ESPL1: variants seen among roughly 807,000 people sequenced by gnomAD.
ESPL1 encodes separin.
ESPL1 carries 50 observed loss-of-function variants against 217.2 expected under a neutral mutation model. That is an observed-to-expected ratio of 0.23 (90% CI 0.18 to 0.29). The LOEUF (loss-of-function observed/expected upper bound fraction) is 0.29, where lower values mean the gene tolerates loss of function less well. ESPL1 is among the 10% of genes least tolerant of loss of function. ESPL1 has a pLI of 1.00. For synonymous variants in ESPL1, 994 were observed against 1,081.3 expected (o/e 0.92, Z 1.58); for missense variants, 1,834 against 2,603.0 (o/e 0.70, Z 6.43).
intron 11 of ESPL1, among the ~76,000 whole-genome samples, chr12:53,278,185 A>G (rs1181682837): frequency 1.3e-5 from 2 of 151,896 alleles, no homozygotes; most frequent in African/African-American, 4.8e-5. Context: ...TATCTCTAAA[A>G]TAGGGGCCAT....
chr12:53,292,279 A>T lies in ESPL1; in HGVS notation c.5798A>T (p.Tyr1933Phe). The T allele has an allele frequency of 6.2e-7, 1 of 1,610,440 alleles. No homozygotes were observed. Among genetic ancestry groups the T allele is most frequent in the Non-Finnish European group, 8.5e-7 (1 of 1,176,724 alleles). The change falls in exon 28 of 31, where the codon TAT (tyrosine) becomes TTT (phenylalanine). Residue 1933 changes from tyrosine (Y) to phenylalanine (F), a missense_variant and splice_region_variant. This residue lies in a region of ESPL1 where 295 missense variants were observed against 519.8 expected (regional missense o/e 0.57). Transcript: ENST00000257934. This position sits in a 1 kb window ranked among gnomAD's most constrained non-coding sequence, Gnocchi z 4.5. ...FLLSYSIIKE[Y>F]GASPVLSQGV... ...TAATCGCCAGTGTCTCCTCCTCAGTATGGGGCCTCGCCAGTGCTGAGTCAA... is the reference window on the plus strand; with the variant it reads ...TAATCGCCAGTGTCTCCTCCTCAGTTTGGGGCCTCGCCAGTGCTGAGTCAA...
Position 53,291,831 on chromosome 12 carries a change from A to G in ESPL1, c.5662A>G (p.Asn1888Asp), listed in dbSNP as rs371767769. 3.1e-5 allele frequency: 50 copies of G among 1,593,142 alleles called. No homozygotes were observed. The highest frequency in any genetic ancestry group is 3.4e-5 in the Non-Finnish European group (40 of 1,169,110). The change falls in exon 26 of 31, where the codon AAT (asparagine) becomes GAT (aspartate). Residue 1888 changes from asparagine to aspartate, a missense_variant. Coordinates refer to ENST00000257934, the MANE Select transcript of ESPL1 (RefSeq NM_012291.5). The part of the protein sequence containing the change: ...GRLQGLTVPS[N>D]SHLVLVLDKD... ...TCTACAGGGCCTGACAGTACCAAGC[A>G]ATAGCCACCTTGTCTTGGTCCTAGA...
intron 17 of ESPL1, 127 bp downstream of exon 17, chr12:53,284,294 C>T: frequency 1.5e-6 from 1 of 654,452 alleles, no homozygotes; most frequent in Non-Finnish European, 2.7e-6. Context: ...ATTACCCAGG[C>T]TGGAGTGCAG....
chr12:53,288,426 A>C (rs1226484922), intron 19 of ESPL1, 85 bp downstream of exon 19: 1 of 1,525,544 alleles, frequency 6.6e-7, no homozygotes, highest in Non-Finnish European at 8.8e-7. Context: ...CTGCCAAGGA[A>C]GTACAGGAAG....
intron 2 of ESPL1, 52 bp from the exon 3 acceptor site, chr12:53,268,972 C>A: frequency 6.5e-7 from 1 of 1,536,364 alleles, no homozygotes; most frequent in Non-Finnish European, 9.0e-7. Flanking sequence ...GTTACTTTCT[C>A]TACCTCTTTC....
Position 53,286,456 on chromosome 12 carries a change from C to CG in ESPL1, c.3721dup (p.Glu1241GlyfsTer69). 6.2e-7 allele frequency: 1 copy of CG among 1,614,216 alleles called. No individual in the cohort carries two copies. Among genetic ancestry groups the CG allele is most frequent in the Non-Finnish European group, 8.5e-7 (1 of 1,180,038 alleles). On this transcript the variant is annotated frameshift_variant, in exon 18 of 31. Coordinates refer to ENST00000257934, the MANE Select transcript of ESPL1 (RefSeq NM_012291.5). LOFTEE classifies it high-confidence loss of function. This position sits in a 1 kb window ranked among gnomAD's most constrained non-coding sequence, Gnocchi z 5.3. Reference sequence around the variant, plus strand: ...TGGAGGGCCTGAACCAGCCATCAAACGAGAGCCTGCAGAAGGTTCTACAGT... The same window carrying CG: ...TGGAGGGCCTGAACCAGCCATCAAACGGAGAGCCTGCAGAAGGTTCTACAGT...
rs768189757 is a variant in ESPL1, at chr12:53,291,938, C to T, written c.5692-46C>T. The T allele has an allele frequency of 1.1e-5, 17 of 1,604,810 alleles. 1 individual carries two copies. The highest frequency in any genetic ancestry group is 1.3e-5 in the Non-Finnish European group (15 of 1,172,404). On this transcript the variant is annotated intron_variant, in intron 26 of 30. Transcript: ENST00000257934. The stretch of plus-strand genomic sequence containing the variant: ...ATCCCCATGCCCCTTCTGACTTCTG[C>T]ATATACCTGGCTGGGGACAGTAACC...
In ESPL1 at chr12:53,272,768, T is replaced by C. The variant is rs1227216774; in HGVS notation, c.1417T>C (p.Tyr473His). The change falls in exon 6 of 31, where the codon TAT (tyrosine) becomes CAT (histidine). Residue 473 changes from tyrosine (Y) to histidine (H), a missense_variant. Around this residue, in one of 5 missense-constraint regions of ESPL1, gnomAD observed 746 missense variants for 1,077.0 expected, o/e 0.69. Coordinates refer to ENST00000257934, the MANE Select transcript of ESPL1 (RefSeq NM_012291.5). ...LAYSFYSHKL[Y>H]AEACAISEPL... ...CTACAGCTTCTATAGTCACAAGCTC[T>C]ATGCCGAGGCCTGTGCCATCTCTGA... is the stretch of plus-strand genomic sequence containing the variant. 1.2e-6 allele frequency: 2 copies of C among 1,614,014 alleles called. No homozygotes were observed. Among genetic ancestry groups the C allele is most frequent in the African/African-American group, 1.3e-5 (1 of 74,924 alleles).
rs769844343 is a variant in ESPL1 at position 53,290,825 on chromosome 12, T to C, written c.5365-16T>C. Reference sequence around the variant, plus strand: ...TGGTTTCCTCTCTGACTGAAGGGTCTGCCCTCTGCATTCAGGTTCTCATCG... The same window carrying C: ...TGGTTTCCTCTCTGACTGAAGGGTCCGCCCTCTGCATTCAGGTTCTCATCG... On this transcript the variant is annotated splice_polypyrimidine_tract_variant and intron_variant, in intron 24 of 30. Transcript: ENST00000257934. The C allele has an allele frequency of 7.1e-7, 1 of 1,414,600 alleles. No homozygotes were observed. Among genetic ancestry groups the C allele is most frequent in the Non-Finnish European group, 9.3e-7 (1 of 1,069,684 alleles). 87.6% of individuals were successfully genotyped at this position (1,414,600 alleles called of 1,614,324 possible).
intron 5 of ESPL1, 94 bp downstream of exon 5, chr12:53,270,892 G>C: frequency 7.1e-7 from 1 of 1,403,218 alleles, no homozygotes; most frequent in Non-Finnish European, 9.8e-7. Context: ...TGACCACTGT[G>C]AGGGTTCCTT....
In ESPL1 at chr12:53,286,196, C is replaced by G. The variant is rs1943944595; in HGVS notation, c.3460C>G (p.Pro1154Ala). 1 of 1,614,286 alleles carries G rather than the reference C, an allele frequency of 6.2e-7. No individual in the cohort carries two copies. Among genetic ancestry groups the G allele is most frequent in the East Asian group, 2.2e-5 (1 of 44,888 alleles). ...CTGTGACTGCTCGCTCTGCGCCAGC[C>G]CTGTCCTCACAGCAGTCTGTCTGCG... ...PTCDCSLCAS[P>A]VLTAVCLRWV... Residue 1154 changes from proline to alanine, a missense_variant, in exon 18 of 31, where the codon CCT (proline) becomes GCT (alanine). Around this residue, in one of 5 missense-constraint regions of ESPL1, gnomAD observed 681 missense variants for 808.0 expected, o/e 0.84. Coordinates refer to ENST00000257934, the MANE Select transcript of ESPL1 (RefSeq NM_012291.5). This position sits in a 1 kb window ranked among gnomAD's most constrained non-coding sequence, Gnocchi z 5.3.
intron 16 of ESPL1, 49 bp from the exon 17 acceptor site, chr12:53,284,009 G>A: frequency 7.3e-7 from 1 of 1,374,484 alleles, no homozygotes; most frequent in Non-Finnish European, 1.0e-6. Context: ...AGACTCTCCA[G>A]GAAAACAAAG....
intron 8 of ESPL1, 76 bp downstream of exon 8, chr12:53,276,935 C>A: frequency 6.4e-7 from 1 of 1,572,592 alleles, no homozygotes; most frequent in South Asian, 1.2e-5. Flanking sequence ...ACCAGTTTCC[C>A]TCTCCACAGC....
At chr12:53,276,215 A>C (rs1943763363) in intron 7 of ESPL1, among the ~76,000 whole-genome samples, 1 of 152,178 alleles carries the variant, frequency 6.6e-6, no homozygotes, top group South Asian at 2.1e-4. Flanking sequence ...AAAAAAAAAC[A>C]AACAAAAAAC....
chr12:53,283,611 CTG>C, intron 16 of ESPL1, 73 bp downstream of exon 16: 2 of 1,407,556 alleles, frequency 1.4e-6, no homozygotes, highest in Non-Finnish European at 2.0e-6. Flanking sequence ...GGATTCCAAA[CTG>C]TTCCACAGAT....
At chr12:53,285,010 C>CAAAAAAAAAAAAA (rs546915854) in intron 17 of ESPL1, among the ~76,000 whole-genome samples, 1 of 100,494 alleles carries the variant, frequency 1.0e-5, no homozygotes, top group African/African-American at 3.7e-5. Flanking sequence ...GACTCTGACT[C>CAAAAAAAAAAAAA]AAAAAAAAAA....
rs1206996833 is a variant in ESPL1, at chr12:53,288,534, C to T, written c.4547-4C>T. ...ACTGTGAAAAAGGCCTGCTCTCTCCCCAGGTGGGAAGACTCCAGCTCCGGG... is the reference window on the plus strand; with the variant it reads ...ACTGTGAAAAAGGCCTGCTCTCTCCTCAGGTGGGAAGACTCCAGCTCCGGG... On this transcript the variant is annotated splice_region_variant and splice_polypyrimidine_tract_variant and intron_variant, in intron 19 of 30. Transcript: ENST00000257934. The T allele has an allele frequency of 1.9e-6, 3 of 1,607,480 alleles. No individual in the cohort carries two copies. The highest frequency in any genetic ancestry group is 2.5e-6 in the Non-Finnish European group (3 of 1,177,664).
chr12:53,277,475 C>T lies in ESPL1; in HGVS notation c.2091C>T (p.Ile697=), dbSNP rs1169756022. ...CTLEAKMQEG[I]ERDRRAQAPG... ...ACCCCGATCTTCCCATCCAGGGTATCGAGCGGGATCGGAGAGCCCAGGCCC... is the reference window on the plus strand; with the variant it reads ...ACCCCGATCTTCCCATCCAGGGTATTGAGCGGGATCGGAGAGCCCAGGCCC... The change falls in exon 10 of 31, where the codon ATC becomes ATT. Residue 697 remains isoleucine, a synonymous_variant. Transcript: ENST00000257934. 1.1e-5 allele frequency: 17 copies of T among 1,613,756 alleles called. No individual in the cohort carries two copies. In the East Asian group the frequency reaches 2.0e-4, roughly 19 times the overall value.
chr12:53,290,019 G>A, intron 22 of ESPL1, 66 bp from the exon 23 acceptor site: 2 of 1,561,298 alleles, frequency 1.3e-6, no homozygotes, highest in Non-Finnish European at 1.7e-6. Flanking sequence ...TAGGAATTGA[G>A]TGCCCAAGAC....
Sources: gnomAD v4.1 joint callset for allele counts (sites outside exome capture counted in the v4.1 genomes callset) on GRCh38, gnomAD v4.1.1 for gene constraint, gnomAD v4.1.1 regional missense constraint, Gnocchi (gnomAD v3.1) non-coding constraint, MANE v1.5 for transcripts, NCBI Gene and HGNC (gene_info 2026-07-23, HGNC 2026-07-21) for gene names.